DNAH10: variants seen among roughly 807,000 people sequenced by gnomAD.
The protein encoded by DNAH10 is dynein axonemal heavy chain 10.
In DNAH10, 348 loss-of-function variants were observed where a neutral mutation model predicts 506.6. The ratio of observed to expected loss-of-function variants is 0.69; its 90% confidence interval spans 0.63 to 0.75. The LOEUF (loss-of-function observed/expected upper bound fraction) is 0.75. Among genes scored for constraint, DNAH10 ranks in the 30% least tolerant of loss-of-function variants. The pLI, the probability that DNAH10 is intolerant of heterozygous loss-of-function variation, is 0.00. For synonymous variants in DNAH10, 2,059 were observed against 2,198.6 expected (o/e 0.94, Z 1.78); for missense variants, 5,179 against 5,787.1 (o/e 0.89, Z 3.41).
At chr12:123,864,146 T>TTC (rs1314952511) in intron 39 of DNAH10, among the ~76,000 whole-genome samples, 22 of 124,470 alleles carry the variant, frequency 1.8e-4, no homozygotes, top group Non-Finnish European at 3.3e-4. Context: ...TTTTTTTCTT[T>TTC]TTTTTTTTTT....
Position 123,929,656 on chromosome 12 carries a change from C to G in DNAH10, c.12517-8C>G. The G allele has an allele frequency of 4.3e-6, 7 of 1,611,406 alleles. No homozygotes were observed. Among genetic ancestry groups the G allele is most frequent in the Non-Finnish European group, 5.9e-6 (7 of 1,178,698 alleles). ...TCAGTATAACTGAGCGTGTTCTCTTCTTTCAAGGTCTGCATGGAAATTCTG... is the reference window on the plus strand; with the variant it reads ...TCAGTATAACTGAGCGTGTTCTCTTGTTTCAAGGTCTGCATGGAAATTCTG... On this transcript the variant is annotated splice_region_variant and splice_polypyrimidine_tract_variant and intron_variant, in intron 71 of 78. Transcript: ENST00000673944.
rs376527887 is a variant in DNAH10, at chr12:123,857,046, T to C, written c.6439-10T>C. On this transcript the variant is annotated splice_polypyrimidine_tract_variant and intron_variant, in intron 36 of 78. Transcript: ENST00000673944. ...AAATCTCTTGGAAACATGTGTTTCATTTCCTGCAGGACGTGGTGCTGATGA... is the reference window on the plus strand; with the variant it reads ...AAATCTCTTGGAAACATGTGTTTCACTTCCTGCAGGACGTGGTGCTGATGA... The C allele has an allele frequency of 2.3e-5, 36 of 1,598,582 alleles. No homozygotes were observed. Among genetic ancestry groups the C allele is most frequent in the Non-Finnish European group, 2.9e-5 (34 of 1,172,374 alleles).
Position 123,787,927 on chromosome 12 carries a change from G to T in DNAH10, c.1545G>T (p.Glu515Asp). Residue 515 changes from glutamate (E) to aspartate (D), a missense_variant, in exon 10 of 79, where the codon GAG becomes GAT. Physicochemically the swap from Glu to Asp is conservative, Grantham distance 45. This residue lies in a region of DNAH10 where 4,844 missense variants were observed against 5,430.5 expected (regional missense o/e 0.89). Coordinates refer to ENST00000673944, the MANE Select transcript of DNAH10 (RefSeq NM_001372106.1). This position sits in a 1 kb window ranked among gnomAD's most constrained non-coding sequence, Gnocchi z 4.6. ...IEASGREDRW[E>D]FDRKRLFERT... ...CTTCGGGGAGGGAAGATCGGTGGGA[G>T]TTTGACCGGAAGCGGCTGTTCGAGA... The T allele has an allele frequency of 2.5e-6, 4 of 1,608,676 alleles. No homozygotes were observed. Among genetic ancestry groups the T allele is most frequent in the Non-Finnish European group, 3.4e-6 (4 of 1,177,734 alleles).
At chr12:123,836,107 A>G (rs548625871) in intron 28 of DNAH10, among the ~76,000 whole-genome samples, 1 of 152,204 alleles carries the variant, frequency 6.6e-6, no homozygotes, top group Admixed American at 6.5e-5. Context: ...TGTATCTCTC[A>G]TGGTTCTGTC....
intron 54 of DNAH10, among the ~76,000 whole-genome samples, chr12:123,896,483 G>A (rs924057966): frequency 2.6e-5 from 4 of 152,136 alleles, no homozygotes; most frequent in South Asian, 4.1e-4. Context: ...TTCTTTCAGC[G>A]GGTGTATAGG....
chr12:123,874,040 C>A (rs1007466915), intron 46 of DNAH10, among the ~76,000 whole-genome samples: 1 of 151,934 alleles, frequency 6.6e-6, no homozygotes, highest in South Asian at 2.1e-4. Flanking sequence ...TGTTGTTGGC[C>A]CCGTGTACAT....
intron 62 of DNAH10, 23 bp downstream of exon 62, chr12:123,915,022 G>C: frequency 6.3e-7 from 1 of 1,588,398 alleles, no homozygotes; most frequent in Non-Finnish European, 8.6e-7. Context: ...CTCCCAGGGC[G>C]TCTTCTGCCC....
At chr12:123,871,068 G>T (rs942218310) in intron 44 of DNAH10, among the ~76,000 whole-genome samples, 2 of 152,304 alleles carry the variant, frequency 1.3e-5, no homozygotes, top group Non-Finnish European at 2.9e-5. Context: ...GTTGAAACCT[G>T]CCAGTGCAAG....
chr12:123,900,423 C>T (rs1272720632), intron 56 of DNAH10, among the ~76,000 whole-genome samples: 1 of 152,180 alleles, frequency 6.6e-6, no homozygotes, highest in African/African-American at 2.4e-5. Context: ...GACTCAACCC[C>T]TGCCTCGAAG....
At chr12:123,848,909 A>G (rs1951058158) in intron 34 of DNAH10, 27 bp downstream of exon 34, 2 of 1,610,530 alleles carry the variant, frequency 1.2e-6, no homozygotes, top group South Asian at 2.2e-5. Context: ...CCCCGGGACC[A>G]TGTCCCTAGG....
intron 16 of DNAH10, among the ~76,000 whole-genome samples, chr12:123,802,730 CTT>C (rs772071953): frequency 0.044 from 5,808 of 131,924 alleles, 340 homozygotes; most frequent in African/African-American, 0.14. Flanking sequence ...TTTGCTGTCA[CTT>C]TTTTTTTTTT....
In DNAH10 at chr12:123,787,868, A is replaced by C. The variant is rs777516903; in HGVS notation, c.1486A>C (p.Lys496Gln). 8.7e-6 allele frequency: 14 copies of C among 1,613,926 alleles called. No individual in the cohort carries two copies. The highest frequency in any genetic ancestry group is 1.1e-5 in the Non-Finnish European group (13 of 1,179,994). ...EARNTLRLWKKAYFDTRAKIE... is the reference protein window; with the variant it reads ...EARNTLRLWKQAYFDTRAKIE... ...CAGGAACACCCTCAGGCTGTGGAAA[A>C]AGGCCTATTTTGACACCCGGGCCAA... Residue 496 changes from lysine (K) to glutamine (Q), a missense_variant, in exon 10 of 79, where the codon AAG becomes CAG. Around this residue, in one of 3 missense-constraint regions of DNAH10, gnomAD observed 4,844 missense variants for 5,430.5 expected, o/e 0.89. Coordinates refer to ENST00000673944, the MANE Select transcript of DNAH10 (RefSeq NM_001372106.1). The surrounding 1 kb of genome is among the most constrained non-coding windows in gnomAD (Gnocchi z 4.6).
intron 78 of DNAH10, 90 bp from the exon 79 acceptor site, chr12:123,935,245 C>A: frequency 2.0e-6 from 3 of 1,503,856 alleles, no homozygotes; most frequent in Non-Finnish European, 1.8e-6. Flanking sequence ...GCACAGGGGC[C>A]CCTGCCTGTC....
chr12:123,893,154 C>T, intron 52 of DNAH10, 79 bp from the exon 53 acceptor site: 6 of 1,425,726 alleles, frequency 4.2e-6, no homozygotes, highest in Non-Finnish European at 5.8e-6. Flanking sequence ...CTTTCCACAC[C>T]TTCCATCACT....
At chr12:123,784,273 G>A in intron 8 of DNAH10, 96 bp downstream of exon 8, 2 of 1,262,936 alleles carry the variant, frequency 1.6e-6, no homozygotes, top group Non-Finnish European at 2.2e-6. Flanking sequence ...TTGGCCAGGA[G>A]CAGTGGCTCA....
At chr12:123,867,201 A>G (rs566545863) in intron 41 of DNAH10, among the ~76,000 whole-genome samples, 1 of 152,194 alleles carries the variant, frequency 6.6e-6, no homozygotes, top group East Asian at 1.9e-4. Flanking sequence ...GTCAAATGGG[A>G]CCTGTTATCT....
chr12:123,869,001 C>T (rs189330276), intron 43 of DNAH10, among the ~76,000 whole-genome samples: 4 of 152,374 alleles, frequency 2.6e-5, no homozygotes, highest in African/African-American at 9.6e-5. Flanking sequence ...GCTTCCCTGG[C>T]TTGTCTCCCT....
chr12:123,841,285 G>GT, intron 29 of DNAH10, 37 bp from the exon 30 acceptor site: 2 of 1,603,534 alleles, frequency 1.2e-6, no homozygotes. Flanking sequence ...CCAGAACTCC[G>GT]TGCAGGTCTT....
chr12:123,816,506 G>A (rs1432095927), intron 21 of DNAH10, among the ~76,000 whole-genome samples: 1 of 152,324 alleles, frequency 6.6e-6, no homozygotes, highest in East Asian at 1.9e-4. Context: ...CAGAGAAGGC[G>A]TGGAGGCTCT....
Sources: allele counts gnomAD v4.1 joint callset (sites outside exome capture counted in the v4.1 genomes callset), GRCh38; gene constraint gnomAD v4.1.1; regional missense constraint gnomAD v4.1.1; non-coding constraint Gnocchi (gnomAD v3.1); transcripts MANE v1.5; gene names NCBI Gene and HGNC (gene_info 2026-07-23, HGNC 2026-07-21).